Variants in PDE10A observed in about 807,000 individuals in gnomAD.
The protein encoded by PDE10A is cAMP and cAMP-inhibited cGMP 3',5'-cyclic phosphodiesterase 10A.
PDE10A carries 39 observed loss-of-function variants against 97.7 expected under a neutral mutation model. The observed-to-expected ratio is 0.40, with a 90% CI of 0.31 to 0.52. PDE10A has a LOEUF of 0.52. PDE10A is among the 20% of genes least tolerant of loss of function. PDE10A has a pLI of 0.56. For missense variants in PDE10A, 731 were observed against 1,047.8 expected (o/e 0.70, Z 4.17); for synonymous variants, 371 against 376.8 (o/e 0.98, Z 0.18).
chr6:165,682,260 T>C (rs1297262820), intron 1 of PDE10A, among the ~76,000 whole-genome samples: 1 of 152,058 alleles, frequency 6.6e-6, no homozygotes, highest in Non-Finnish European at 1.5e-5. Context: ...GCCTCCTGGG[T>C]AGTTGGGACC....
rs1392372505 is a variant in PDE10A, at chr6:165,825,306, G to A, written c.-615+162223C>T. 5.3e-5 allele frequency among the ~76,000 whole-genome samples: 8 copies of A among 152,248 alleles called. No individual in the cohort carries two copies. The South Asian group carries it at 1.7e-3, about 32-fold the overall frequency. On this transcript the variant is annotated intron_variant, in intron 1 of 19. Transcript: ENST00000366882. ...CTGGATGAGGAAGCCGAGGCCTGTG[G>A]TGGCCAAGTGGGTCTTTTTCATTCC... is the stretch of plus-strand genomic sequence containing the variant.
intron 1 of PDE10A, among the ~76,000 whole-genome samples, chr6:165,776,434 A>C (rs1342512786): frequency 6.6e-6 from 1 of 152,258 alleles, no homozygotes; most frequent in Non-Finnish European, 1.5e-5. Flanking sequence ...AAAGCACTGC[A>C]GTAAAAGAAG....
intron 1 of PDE10A, among the ~76,000 whole-genome samples, chr6:165,597,667 C>T (rs980705770): frequency 1.3e-5 from 2 of 152,146 alleles, no homozygotes; most frequent in Non-Finnish European, 2.9e-5. Context: ...ACTTTAGAAA[C>T]GGAATGACTA....
chr6:165,381,013 C>A (rs1282621364), intron 17 of PDE10A, among the ~76,000 whole-genome samples: 1 of 147,646 alleles, frequency 6.8e-6, no homozygotes, highest in East Asian at 2.0e-4. Flanking sequence ...ACAGCTGATA[C>A]AATTTTGTGC....
intron 21 of PDE10A, among the ~76,000 whole-genome samples, chr6:165,334,710 A>G (rs1237306106): frequency 1.3e-5 from 2 of 152,186 alleles, no homozygotes; most frequent in Non-Finnish European, 2.9e-5. Flanking sequence ...GGCCTTTGTA[A>G]TAAGGTAAGA....
At chr6:165,945,130 C>G (rs1232700696) in intron 1 of PDE10A, among the ~76,000 whole-genome samples, 3 of 152,188 alleles carry the variant, frequency 2.0e-5, no homozygotes, top group Non-Finnish European at 4.4e-5. Flanking sequence ...GACATTGCAG[C>G]TTCTGACTTG....
At chr6:165,396,610 G>T in intron 13 of PDE10A, 151 bp from the exon 14 acceptor site, 1 of 682,838 alleles carries the variant, frequency 1.5e-6, no homozygotes, top group Non-Finnish European at 2.3e-6. Context: ...TATGCACTGG[G>T]ATGTGCAGAC....
intron 3 of PDE10A, among the ~76,000 whole-genome samples, chr6:165,471,180 T>C (rs561092729): frequency 6.6e-6 from 1 of 152,278 alleles, no homozygotes; most frequent in Admixed American, 6.5e-5. Flanking sequence ...TTGATTGCTC[T>C]ATTTTATTTT....
intron 1 of PDE10A, among the ~76,000 whole-genome samples, chr6:165,782,631 A>G (rs1778374537): frequency 6.6e-6 from 1 of 152,242 alleles, no homozygotes; most frequent in South Asian, 2.1e-4. Flanking sequence ...CTGTTAACAC[A>G]ATCTGTCGTA....
intron 1 of PDE10A, among the ~76,000 whole-genome samples, chr6:165,943,961 G>A (rs1042251622): frequency 2.0e-5 from 3 of 152,180 alleles, no homozygotes; most frequent in Non-Finnish European, 2.9e-5. Context: ...TTCTCACACT[G>A]CTGATAAAGA....
intron 1 of PDE10A, among the ~76,000 whole-genome samples, chr6:165,792,156 A>C (rs554563030): frequency 6.6e-6 from 1 of 152,274 alleles, no homozygotes; most frequent in Admixed American, 6.5e-5. Flanking sequence ...TCGGGCCTGC[A>C]ATGTTCGCCC....
Position 165,661,623 on chromosome 6 carries a change from T to C in PDE10A, c.865+324A>G. On this transcript the variant is annotated intron_variant, in intron 1 of 21. Coordinates refer to ENST00000539869, the MANE Select transcript of PDE10A (RefSeq NM_001385079.1). The surrounding 1 kb of genome is among the most constrained non-coding windows in gnomAD (Gnocchi z 4.8). Reference sequence around the variant, plus strand: ...AGTATAAATACGCGCCGGACAAGTGTGGCCAGAAACGGCACGAGGGGCGGA... The same window carrying C: ...AGTATAAATACGCGCCGGACAAGTGCGGCCAGAAACGGCACGAGGGGCGGA... 3.0e-6 allele frequency: 1 copy of C among 333,276 alleles called. No individual in the cohort carries two copies. 20.6% of individuals were successfully genotyped at this position (333,276 alleles called of 1,614,324 possible). A position where few individuals can be genotyped will look rare whatever the true frequency, so the allele number is the denominator to read the frequency against.
intron 1 of PDE10A, among the ~76,000 whole-genome samples, chr6:165,731,182 G>T (rs138478594): frequency 1.3e-5 from 2 of 152,230 alleles, no homozygotes; most frequent in African/African-American, 4.8e-5. Context: ...GGGAAGCACC[G>T]TCTTGTGGCT....
intron 1 of PDE10A, among the ~76,000 whole-genome samples, chr6:165,915,493 C>T (rs1044500210): frequency 9.2e-5 from 14 of 152,200 alleles, no homozygotes; most frequent in Non-Finnish European, 1.9e-4. Context: ...GTGCAGCCCA[C>T]GGTCTCTCTG....
At chr6:165,891,510 C>A (rs1463335641) in intron 1 of PDE10A, among the ~76,000 whole-genome samples, 1 of 152,120 alleles carries the variant, frequency 6.6e-6, no homozygotes, top group Non-Finnish European at 1.5e-5. Context: ...GGTAACCTCA[C>A]CAGGGTCTCT....
chr6:165,762,489 A>T (rs1205094668), intron 1 of PDE10A, among the ~76,000 whole-genome samples: 2 of 105,788 alleles, frequency 1.9e-5, no homozygotes, highest in Non-Finnish European at 3.6e-5. Flanking sequence ...CAGGAATATT[A>T]AAAAAAAAAA....
At chr6:165,403,695 A>T (rs1391311471) in intron 13 of PDE10A, among the ~76,000 whole-genome samples, 1 of 152,214 alleles carries the variant, frequency 6.6e-6, no homozygotes, top group Non-Finnish European at 1.5e-5. Context: ...TTCTCTAAGC[A>T]AGTCCTAAAA....
intron 1 of PDE10A, among the ~76,000 whole-genome samples, chr6:165,925,622 G>A (rs905369484): frequency 6.6e-6 from 1 of 152,206 alleles, no homozygotes; most frequent in African/African-American, 2.4e-5. Context: ...AATCTCAAAA[G>A]ACTACATAGT....
intron 1 of PDE10A, among the ~76,000 whole-genome samples, chr6:165,978,027 A>G (rs1422072615): frequency 6.6e-6 from 1 of 152,224 alleles, no homozygotes; most frequent in Non-Finnish European, 1.5e-5. Flanking sequence ...GTCCCAGAGC[A>G]GGCAAATGAA....
Sources: allele counts gnomAD v4.1 joint callset (sites outside exome capture counted in the v4.1 genomes callset), GRCh38; gene constraint gnomAD v4.1.1; non-coding constraint Gnocchi (gnomAD v3.1); transcripts MANE v1.5; gene names NCBI Gene and HGNC (gene_info 2026-07-23, HGNC 2026-07-21).